RPL3L: variants seen among roughly 807,000 people sequenced by gnomAD.
The protein encoded by RPL3L is ribosomal protein uL3-like.
A neutral mutation model predicts 44.5 loss-of-function variants in RPL3L; 44 were observed. The ratio of observed to expected loss-of-function variants is 0.99; its 90% confidence interval spans 0.78 to 1.27. The LOEUF is 1.27. Among genes scored for constraint, RPL3L ranks in the 50% most tolerant of loss-of-function variants. The probability of loss-of-function intolerance (pLI) is 0.00; values close to 1 mark genes in which losing one functional copy is unlikely to be tolerated. For synonymous variants in RPL3L, 292 were observed against 230.7 expected, an observed-to-expected ratio of 1.27 and a Z score of -2.41; for missense variants, 631 against 569.1, an observed-to-expected ratio of 1.11 and a Z score of -1.11.
intron 3 of RPL3L, among the ~76,000 whole-genome samples, chr16:1,951,724 GACA>G (rs1472526262): frequency 7.6e-6 from 1 of 131,894 alleles, no homozygotes; most frequent in East Asian, 2.2e-4. Flanking sequence ...CTGGGAGGTG[GACA>G]TTATTATTAT....
chr16:1,945,980 A>T lies in RPL3L; in HGVS notation c.952-50T>A, dbSNP rs748432887. ...CAGGCCCGGAAAGGGCTTCTGAGTT[A>T]GTGGGTGGCTGGGGGCCCTAGCAGA... is the stretch of plus-strand genomic sequence containing the variant. On this transcript the variant is annotated intron_variant, in intron 7 of 9. Coordinates refer to ENST00000268661, the MANE Select transcript of RPL3L (RefSeq NM_005061.3). 8 of 1,521,268 alleles carry T rather than the reference A, an allele frequency of 5.3e-6. No individual in the cohort carries two copies. In the East Asian group the frequency reaches 1.8e-4, roughly 34 times the overall value. The allele number at this position is 1,521,268 out of a possible 1,614,324, so 94.2% of individuals were successfully genotyped here.
chr16:1,953,011 C>T lies in RPL3L; in HGVS notation c.228G>A (p.Val76=), dbSNP rs776310709. ...KISKREEVEA[V]TIVETPPLVV... ...CTAGGGGCGGCGTTTCTACAATTGT[C>T]ACCGCCTCCACCTCCTCCCGTTTGG... The change falls in exon 3 of 10, where the codon GTG becomes GTA. Residue 76 remains valine, a synonymous_variant. Coordinates refer to ENST00000268661, the MANE Select transcript of RPL3L (RefSeq NM_005061.3). The T allele has an allele frequency of 1.9e-6, 3 of 1,605,030 alleles. No individual in the cohort carries two copies. The highest frequency in any genetic ancestry group is 2.7e-5 in the African/African-American group (2 of 74,504).
chr16:1,945,705 G>A, intron 8 of RPL3L, 87 bp from the exon 9 acceptor site: 1 of 1,605,302 alleles, frequency 6.2e-7, no homozygotes, highest in Non-Finnish European at 8.5e-7. Context: ...GGAAGGTCTT[G>A]CTCACCTAGT....
chr16:1,954,577 C>T, intron 1 of RPL3L, 52 bp downstream of exon 1: 2 of 1,525,274 alleles, frequency 1.3e-6, no homozygotes, highest in Non-Finnish European at 1.8e-6. Context: ...TGTCCCACCC[C>T]CCCAGAGTTC....
chr16:1,954,495 T>C, intron 1 of RPL3L, 134 bp downstream of exon 1: 1 of 1,049,478 alleles, frequency 9.5e-7, no homozygotes, highest in East Asian at 3.1e-5. Context: ...GTCCCCTTGT[T>C]TCCCCCTCCA....
chr16:1,954,581 A>G, intron 1 of RPL3L, 48 bp downstream of exon 1: 1 of 1,119,706 alleles, frequency 8.9e-7, no homozygotes, highest in African/African-American at 1.7e-5. Flanking sequence ...CCACCCCCCC[A>G]GAGTTCCAGC....
In RPL3L at chr16:1,952,867, T is replaced by C; in HGVS notation, c.365+7A>G. ...CCTTGGACGGCCCAGCCAAGGGCGG[T>C]GCTCACCAGTCCTTGTAGAATCGGC... On this transcript the variant is annotated splice_region_variant and intron_variant, in intron 3 of 9. Coordinates refer to ENST00000268661, the MANE Select transcript of RPL3L (RefSeq NM_005061.3). 1.2e-6 allele frequency: 2 copies of C among 1,613,536 alleles called. No homozygotes were observed. The highest frequency in any genetic ancestry group is 1.7e-6 in the Non-Finnish European group (2 of 1,179,982).
intron 3 of RPL3L, among the ~76,000 whole-genome samples, 164 bp from the exon 4 acceptor site, chr16:1,951,143 T>TA (rs1229713128): frequency 6.6e-6 from 1 of 151,772 alleles, no homozygotes; most frequent in Non-Finnish European, 1.5e-5. Context: ...TCTTTGAACA[T>TA]AGACTGTCTC....
chr16:1,950,762 G>A (rs2083166471), intron 4 of RPL3L, 82 bp downstream of exon 4: 2 of 1,603,340 alleles, frequency 1.2e-6, no homozygotes, highest in Non-Finnish European at 8.5e-7. Context: ...TTTTTAGGCT[G>A]ACATTTGCCA....
At chr16:1,952,842 C>T (rs1484177633) in intron 3 of RPL3L, 32 bp downstream of exon 3, 12 of 1,611,504 alleles carry the variant, frequency 7.4e-6, no homozygotes, top group Admixed American at 6.7e-5. Context: ...TCCCAGCAGC[C>T]CTTGGACGGC....
intron 4 of RPL3L, among the ~76,000 whole-genome samples, chr16:1,950,441 G>A (rs958852814): frequency 6.6e-6 from 1 of 152,090 alleles, no homozygotes; most frequent in African/African-American, 2.4e-5. Flanking sequence ...AGATGCCAAA[G>A]AGTGTTCCAG....
rs981346523 is a variant in RPL3L, at chr16:1,948,024, G to T, written c.502-644C>A. On this transcript the variant is annotated intron_variant, in intron 4 of 9. Coordinates refer to ENST00000268661, the MANE Select transcript of RPL3L (RefSeq NM_005061.3). ...ATGATCTCGGCTCACTGCAAGCTCT[G>T]CCTCCCGGGTTCACGCCATTCCCCT... 2.1e-5 allele frequency among the ~76,000 whole-genome samples: 3 copies of T among 142,760 alleles called. No homozygotes were observed. In the Admixed American group the frequency reaches 2.3e-4, roughly 11 times the overall value. 93.7% of individuals were successfully genotyped at this position (142,760 alleles called of 152,430 possible). A position where few individuals can be genotyped will look rare whatever the true frequency, so the allele number is the denominator to read the frequency against.
At position 1,945,918 on chromosome 16, in the gene RPL3L, G is replaced by T. The variant is rs143428526; in HGVS notation, c.964C>A (p.His322Asn). ...AAGTCGTTGTTCACTTCCCCGTAGTGGGGGAAGCCACCCTGCAGAGGACAC... is the reference window on the plus strand; with the variant it reads ...AAGTCGTTGTTCACTTCCCCGTAGTTGGGGAAGCCACCCTGCAGAGGACAC... The part of the protein sequence containing the change: ...KSITPLGGFP[H>N]YGEVNNDFVM... Residue 322 changes from histidine (H) to asparagine (N), a missense_variant, in exon 8 of 10, where the codon CAC becomes AAC. Physicochemically the swap from His to Asn is moderately conservative, Grantham distance 68. Transcript: ENST00000268661. 1 of 1,611,738 alleles carries T rather than the reference G, an allele frequency of 6.2e-7. No individual in the cohort carries two copies. Among genetic ancestry groups the T allele is most frequent in the Non-Finnish European group, 8.5e-7 (1 of 1,178,846 alleles).
chr16:1,950,363 G>C (rs2083163742), intron 4 of RPL3L, among the ~76,000 whole-genome samples: 1 of 151,984 alleles, frequency 6.6e-6, no homozygotes, highest in South Asian at 2.1e-4. Flanking sequence ...GGGGCAGTGT[G>C]GGGGCTGTGG....
intron 3 of RPL3L, among the ~76,000 whole-genome samples, chr16:1,951,726 C>CATT (rs71394716): frequency 0.065 from 8,921 of 137,960 alleles, 269 homozygotes; most frequent in Non-Finnish European, 0.072. Context: ...GGGAGGTGGA[C>CATT]ATTATTATTA....
chr16:1,947,082 C>T lies in RPL3L; in HGVS notation c.705G>A (p.Trp235Ter). 2 of 1,613,612 alleles carry T rather than the reference C, an allele frequency of 1.2e-6. No homozygotes were observed. The highest frequency in any genetic ancestry group is 1.1e-5 in the South Asian group (1 of 91,090). Residue 235 changes from tryptophan to a stop codon, truncating the protein, a stop_gained, in exon 6 of 10, where the codon TGG (tryptophan) becomes TGA (stop). Coordinates refer to ENST00000268661, the MANE Select transcript of RPL3L (RefSeq NM_005061.3). LOFTEE classifies it high-confidence loss of function. Reference sequence around the variant, plus strand: ...TCTTCCGCGGCAGCTTCTTGGTATGCCAGCGGCTTGTGACCCCTGTGAGTG... The same window carrying T: ...TCTTCCGCGGCAGCTTCTTGGTATGTCAGCGGCTTGTGACCCCTGTGAGTG... ...GRGVKGVTSR[W>*]HTKKLPRKTH...
At chr16:1,951,233 G>A (rs1448909746) in intron 3 of RPL3L, among the ~76,000 whole-genome samples, 1 of 152,200 alleles carries the variant, frequency 6.6e-6, no homozygotes, top group African/African-American at 2.4e-5. Context: ...GAGTGGCAGA[G>A]GTGCAGAAGC....
At chr16:1,952,627 C>T (rs1428158242) in intron 3 of RPL3L, among the ~76,000 whole-genome samples, 4 of 151,778 alleles carry the variant, frequency 2.6e-5, no homozygotes, top group Non-Finnish European at 4.4e-5. Context: ...CCACCCGCCT[C>T]GGCCTCCCAA....
At chr16:1,948,251 T>A (rs1279777597) in intron 4 of RPL3L, among the ~76,000 whole-genome samples, 5 of 151,590 alleles carry the variant, frequency 3.3e-5, no homozygotes, top group Admixed American at 3.3e-4. Flanking sequence ...TTTAATGGAG[T>A]CTCGCTCTGT....
Sources: allele counts gnomAD v4.1 joint callset (sites outside exome capture counted in the v4.1 genomes callset), GRCh38; gene constraint gnomAD v4.1.1; transcripts MANE v1.5; gene names NCBI Gene and HGNC (gene_info 2026-07-23, HGNC 2026-07-21).